FDX1: variants seen among roughly 807,000 people sequenced by gnomAD.
FDX1 encodes the protein ferredoxin 1.
Under a neutral mutation model 14.9 loss-of-function variants are expected in FDX1, and 9 were observed. The observed-to-expected ratio is 0.60, with a 90% confidence interval of 0.36 to 1.05. FDX1 has a LOEUF of 1.05. Among genes scored for constraint, FDX1 ranks in the 50% least tolerant of loss-of-function variants. The pLI is 0.01. For missense variants in FDX1, 204 were observed against 237.2 expected (o/e 0.86, Z 0.92); for synonymous variants, 92 against 99.4 (o/e 0.93, Z 0.44).
At chr11:110,449,722 G>A (rs1946474243) in intron 2 of FDX1, among the ~76,000 whole-genome samples, 1 of 152,096 alleles carries the variant, frequency 6.6e-6, no homozygotes, top group Admixed American at 6.5e-5. Context: ...CCACCTCCTG[G>A]GTTGAAGTGA....
chr11:110,438,706 A>G (rs569515554), intron 2 of FDX1, among the ~76,000 whole-genome samples: 281 of 152,290 alleles, frequency 1.8e-3, no homozygotes, highest in Non-Finnish European at 2.4e-3. Context: ...ACCTCAAGTG[A>G]TCTGCCTACT....
rs866188610 is a variant in FDX1, at chr11:110,430,387, G to A, written c.185+82G>A. ...GCCTGGCTCTCTGGGCCGAGTCTCT[G>A]GTTCCAGTGCCTTCTGCGCGCCGGG... On this transcript the variant is annotated intron_variant, in intron 1 of 3. Transcript: ENST00000260270. 171 of 974,476 alleles carry A rather than the reference G, an allele frequency of 1.8e-4. No individual in the cohort carries two copies. In the Middle Eastern group the frequency reaches 2.8e-3, roughly 16 times the overall value. The allele number at this position is 974,476 out of a possible 1,614,324, so 60.4% of individuals were successfully genotyped here. A position where few individuals can be genotyped will look rare whatever the true frequency, so the allele number is the denominator to read the frequency against.
chr11:110,438,882 A>G (rs1157420523), intron 2 of FDX1, among the ~76,000 whole-genome samples: 1 of 151,876 alleles, frequency 6.6e-6, no homozygotes, highest in Non-Finnish European at 1.5e-5. Context: ...ATTTTCTCTC[A>G]TTCTGTAGGG....
intron 2 of FDX1, among the ~76,000 whole-genome samples, chr11:110,452,352 C>T (rs892534355): frequency 1.6e-4 from 25 of 152,080 alleles, no homozygotes; most frequent in African/African-American, 6.0e-4. Flanking sequence ...AGTGAAAGGA[C>T]TTGTATCCCG....
intron 2 of FDX1, among the ~76,000 whole-genome samples, chr11:110,451,634 T>C (rs2083767): frequency 0.65 from 98,771 of 152,076 alleles, 34,508 homozygotes; most frequent in African/African-American, 0.91. Flanking sequence ...AATACGTGCA[T>C]GTATATGTTC....
chr11:110,464,832 G>C lies in FDX1; in HGVS notation c.*2364G>C, dbSNP rs1266941137. 6.6e-6 allele frequency: 1 copy of C among 152,130 alleles called. No homozygotes were observed. The highest frequency in any genetic ancestry group is 1.5e-5 in the Non-Finnish European group (1 of 68,028). The allele number at this position is 152,130 out of a possible 1,614,324, so 9.4% of individuals were successfully genotyped here. On this transcript the variant is annotated 3_prime_UTR_variant, in exon 4 of 4. Transcript: ENST00000260270. Reference sequence around the variant, plus strand: ...AGAAAAGTTCAAATGAAGTTTAATTGTGTTATTTTATAAAACCTTCTAAAA... The same window carrying C: ...AGAAAAGTTCAAATGAAGTTTAATTCTGTTATTTTATAAAACCTTCTAAAA...
At chr11:110,434,486 A>G (rs1946354369) in intron 1 of FDX1, among the ~76,000 whole-genome samples, 1 of 151,714 alleles carries the variant, frequency 6.6e-6, no homozygotes, top group South Asian at 2.1e-4. Flanking sequence ...ACAGGCATGT[A>G]CCACCATGCC....
chr11:110,447,285 AAAAAAAAAAAAAAAAAAAC>A (rs1946457165), intron 2 of FDX1, among the ~76,000 whole-genome samples: 1 of 76,538 alleles, frequency 1.3e-5, no homozygotes, highest in African/African-American at 5.0e-5. Flanking sequence ...AAAAAAAAAA[AAAAAAAAAAAAAAAAAAAC>A]CCAGCTGGGC....
intron 2 of FDX1, among the ~76,000 whole-genome samples, chr11:110,449,882 C>A (rs563747002): frequency 1.3e-5 from 2 of 152,328 alleles, no homozygotes; most frequent in Admixed American, 6.5e-5. Flanking sequence ...CCTGCCTCGG[C>A]CTCCCAAAGT....
intron 1 of FDX1, among the ~76,000 whole-genome samples, chr11:110,431,752 G>A (rs1227715047): frequency 6.6e-6 from 1 of 152,114 alleles, no homozygotes; most frequent in Non-Finnish European, 1.5e-5. Context: ...TTGTTTTTTG[G>A]ATTTGGATAT....
At chr11:110,434,404 T>G (rs1202660288) in intron 1 of FDX1, among the ~76,000 whole-genome samples, 1 of 150,478 alleles carries the variant, frequency 6.6e-6, no homozygotes, top group Non-Finnish European at 1.5e-5. Flanking sequence ...TGGTTTGATC[T>G]CGGCTCACTG....
At chr11:110,433,697 G>T (rs1040752721) in intron 1 of FDX1, among the ~76,000 whole-genome samples, 4 of 152,054 alleles carry the variant, frequency 2.6e-5, no homozygotes, top group African/African-American at 4.8e-5. Context: ...GCTGTGAAAA[G>T]AAGTTGGAGA....
intron 2 of FDX1, among the ~76,000 whole-genome samples, chr11:110,444,754 A>ACG (rs1946438752): frequency 7.3e-5 from 9 of 123,100 alleles, no homozygotes; most frequent in African/African-American, 2.8e-4. Flanking sequence ...ACACGTATAT[A>ACG]TATATATATA....
At chr11:110,461,900 A>G (rs1946559102) in intron 3 of FDX1, among the ~76,000 whole-genome samples, 3 of 152,230 alleles carry the variant, frequency 2.0e-5, no homozygotes, top group Non-Finnish European at 4.4e-5. Context: ...ACTTAAGTCT[A>G]TGTATTTATT....
chr11:110,456,799 G>A, intron 2 of FDX1, 119 bp from the exon 3 acceptor site: 1 of 1,099,486 alleles, frequency 9.1e-7, no homozygotes, highest in East Asian at 2.7e-5. Flanking sequence ...GTGAGCCACT[G>A]TGCCCGGCCT....
intron 1 of FDX1, among the ~76,000 whole-genome samples, chr11:110,432,678 A>G (rs989755080): frequency 6.6e-6 from 1 of 152,196 alleles, no homozygotes; most frequent in African/African-American, 2.4e-5. Flanking sequence ...TATGTTGACC[A>G]GCCTGGTCTG....
At chr11:110,452,842 T>C (rs1223512384) in intron 2 of FDX1, among the ~76,000 whole-genome samples, 1 of 152,216 alleles carries the variant, frequency 6.6e-6, no homozygotes, top group Non-Finnish European at 1.5e-5. Flanking sequence ...AGTCAAACAC[T>C]GTATGATTCT....
At chr11:110,453,064 C>T (rs546674649) in intron 2 of FDX1, among the ~76,000 whole-genome samples, 28 of 152,272 alleles carry the variant, frequency 1.8e-4, no homozygotes, top group Middle Eastern at 3.4e-3. Context: ...TGGCCAGGTG[C>T]GGTGGCTCAC....
In FDX1 at chr11:110,430,133, G is replaced by A. The variant is rs572120843; in HGVS notation, c.13G>A (p.Gly5Arg). The A allele has an allele frequency of 0.01, 12,821 of 1,239,336 alleles. 70 individuals carry two copies. Among genetic ancestry groups the A allele is most frequent in the Non-Finnish European group, 0.012 (11,776 of 994,592 alleles). The allele number at this position is 1,239,336 out of a possible 1,614,324, so 76.8% of individuals were successfully genotyped here. The stretch of plus-strand genomic sequence containing the variant: ...CCGACCGCGGGCGATGGCTGCCGCT[G>A]GGGGCGCCCGGCTGCTGCGCGCCGC... MAAA[G>R]GARLLRAASA... Residue 5 changes from glycine (G) to arginine (R), a missense_variant, in exon 1 of 4, where the codon GGG becomes AGG. By Grantham distance (125) the Gly-to-Arg change is moderately radical. Transcript: ENST00000260270.
Sources: gnomAD v4.1 joint callset for allele counts (sites outside exome capture counted in the v4.1 genomes callset) on GRCh38, gnomAD v4.1.1 for gene constraint, MANE v1.5 for transcripts, NCBI Gene and HGNC (gene_info 2026-07-23, HGNC 2026-07-21) for gene names.